Variants in CNTNAP5 observed in about 807,000 individuals in gnomAD.
CNTNAP5 encodes the protein contactin-associated protein-like 5.
Under a neutral mutation model 150.2 loss-of-function variants are expected in CNTNAP5, and 72 were observed. The observed-to-expected ratio is 0.48, with a 90% CI of 0.40 to 0.58. CNTNAP5 has a LOEUF of 0.58. Ranked by LOEUF, CNTNAP5 falls within the 20% of genes least tolerant of loss-of-function variation. CNTNAP5 has a pLI of 0.00. For synonymous variants in CNTNAP5, 672 were observed against 619.8 expected (o/e 1.08, Z -1.25); for missense variants, 1,636 against 1,626.2 (o/e 1.01, Z -0.10).
At chr2:124,275,676 T>G (rs1316921760) in intron 3 of CNTNAP5, among the ~76,000 whole-genome samples, 1 of 152,156 alleles carries the variant, frequency 6.6e-6, no homozygotes, top group Non-Finnish European at 1.5e-5. Context: ...ATGGTTTTTC[T>G]TACATTCTGC....
At chr2:124,769,284 T>C (rs1681137650) in intron 16 of CNTNAP5, among the ~76,000 whole-genome samples, 1 of 152,146 alleles carries the variant, frequency 6.6e-6, no homozygotes, top group Non-Finnish European at 1.5e-5. Flanking sequence ...GCCCTAAACA[T>C]GCCCTTTCTT....
intron 13 of CNTNAP5, among the ~76,000 whole-genome samples, chr2:124,662,439 A>G (rs1372017664): frequency 6.6e-6 from 1 of 152,154 alleles, no homozygotes; most frequent in East Asian, 1.9e-4. Context: ...TGTACATGAG[A>G]TCTGTTGTTG....
Position 124,524,305 on chromosome 2 carries a change from A to G in CNTNAP5, c.1330A>G (p.Ser444Gly). Residue 444 changes from serine (S) to glycine (G), a missense_variant and splice_region_variant, in exon 9 of 24, where the codon AGC (serine) becomes GGC (glycine). Physicochemically the swap from Ser to Gly is moderately conservative, Grantham distance 56. Transcript: ENST00000682447. ...TERVAEILTG[S>G]NLNDGLWHSV... ...TTACTCTCTTGTTTCTCTTGCAGGC[A>G]GCAACTTGAATGATGGCCTGTGGCA... 1.2e-6 allele frequency: 2 copies of G among 1,613,728 alleles called. No individual in the cohort carries two copies. Among genetic ancestry groups the G allele is most frequent in the Non-Finnish European group, 1.7e-6 (2 of 1,179,774 alleles).
chr2:124,271,760 G>A (rs1376186371), intron 3 of CNTNAP5, among the ~76,000 whole-genome samples: 1 of 150,982 alleles, frequency 6.6e-6, no homozygotes, highest in African/African-American at 2.4e-5. Flanking sequence ...TGTTGCCCAG[G>A]CTGTAGTGCA....
chr2:124,446,223 A>G (rs866011142), intron 5 of CNTNAP5, among the ~76,000 whole-genome samples: 2 of 152,274 alleles, frequency 1.3e-5, no homozygotes, highest in Middle Eastern at 3.4e-3. Context: ...CCCTTAGAGG[A>G]TTAAAGATGA....
chr2:124,572,861 C>T (rs542847627), intron 11 of CNTNAP5, among the ~76,000 whole-genome samples: 5 of 152,288 alleles, frequency 3.3e-5, no homozygotes, highest in South Asian at 2.1e-4. Context: ...GAAATCTGAG[C>T]GGACCTTTTG....
chr2:124,155,009 T>C (rs898016783), intron 1 of CNTNAP5, among the ~76,000 whole-genome samples: 2 of 151,654 alleles, frequency 1.3e-5, no homozygotes, highest in Non-Finnish European at 1.5e-5. Context: ...CAGATGGCCA[T>C]GCAAGCCTCT....
chr2:124,671,716 T>C (rs1291309380), intron 13 of CNTNAP5, among the ~76,000 whole-genome samples: 2 of 152,196 alleles, frequency 1.3e-5, no homozygotes, highest in Non-Finnish European at 2.9e-5. Context: ...CTTGGCTCAC[T>C]GCAACTTCTG....
At chr2:124,469,294 T>G (rs1693449578) in intron 6 of CNTNAP5, among the ~76,000 whole-genome samples, 2 of 152,208 alleles carry the variant, frequency 1.3e-5, no homozygotes, top group Admixed American at 6.6e-5. Flanking sequence ...CACTGTGTTT[T>G]GCTATTTAAA....
chr2:124,136,636 T>C (rs940298527), intron 1 of CNTNAP5, among the ~76,000 whole-genome samples: 1 of 152,208 alleles, frequency 6.6e-6, no homozygotes, highest in Non-Finnish European at 1.5e-5. Context: ...CAGTTTCTAC[T>C]GAATGTGTTT....
At chr2:124,354,975 G>A (rs1295061971) in intron 3 of CNTNAP5, among the ~76,000 whole-genome samples, 1 of 151,878 alleles carries the variant, frequency 6.6e-6, no homozygotes, top group South Asian at 2.1e-4. Flanking sequence ...CATGAGCTTG[G>A]TCTTCTGTAG....
At chr2:124,126,604 A>C (rs997146665) in intron 1 of CNTNAP5, among the ~76,000 whole-genome samples, 8 of 149,842 alleles carry the variant, frequency 5.3e-5, no homozygotes, top group African/African-American at 1.7e-4. Flanking sequence ...GAGACACAAC[A>C]AAAAAAGAGA....
At position 124,558,426 on chromosome 2, in the gene CNTNAP5, G is replaced by A. The variant is rs914627159; in HGVS notation, c.1650-4791G>A. On this transcript the variant is annotated intron_variant, in intron 10 of 23. Transcript: ENST00000682447. Reference sequence around the variant, plus strand: ...TGGGGGCAGGGTGAAGGAGGAGATTGGAAAGTAATATCTATTAGACACCCA... The same window carrying A: ...TGGGGGCAGGGTGAAGGAGGAGATTAGAAAGTAATATCTATTAGACACCCA... Among the ~76,000 whole-genome samples, 7 of 1,884 alleles carry A rather than the reference G, an allele frequency of 3.7e-3. No individual in the cohort carries two copies. In the Non-Finnish European group the frequency reaches 0.056, roughly 15 times the overall value. 1.2% of individuals were successfully genotyped at this position (1,884 alleles called of 152,430 possible). A position where few individuals can be genotyped will look rare whatever the true frequency, so the allele number is the denominator to read the frequency against.
rs141395119 is a variant in CNTNAP5 at position 124,592,911 on chromosome 2, G to A, written c.1757-16890G>A. Among the ~76,000 whole-genome samples the A allele has an allele frequency of 2.2e-3, 337 of 150,888 alleles. 3 individuals are homozygous for A. Among genetic ancestry groups the A allele is most frequent in the African/African-American group, 8.0e-3 (330 of 41,210 alleles). On this transcript the variant is annotated intron_variant, in intron 11 of 23. Coordinates refer to ENST00000682447, the MANE Select transcript of CNTNAP5 (RefSeq NM_001367498.1). ...CAGTTTGTCCATTTGCCCTTTTTTT[G>A]TTTATTGTATCTTTTGCCATTCAAA...
At chr2:124,674,496 C>CCTTTCTTTCTTTCTCTTT (rs1553430155) in intron 13 of CNTNAP5, among the ~76,000 whole-genome samples, 174 of 113,836 alleles carry the variant, frequency 1.5e-3, no homozygotes, top group Middle Eastern at 8.8e-3. Flanking sequence ...CTCTCTACTT[C>CCTTTCTTTCTTTCTCTTT]CTTTCTTTCT....
chr2:124,578,890 C>G (rs1696352167), intron 11 of CNTNAP5, among the ~76,000 whole-genome samples: 1 of 152,158 alleles, frequency 6.6e-6, no homozygotes, highest in African/African-American at 2.4e-5. Context: ...TCATGACACT[C>G]TTTGTTTTTC....
At chr2:124,315,428 G>T (rs1228627653) in intron 3 of CNTNAP5, among the ~76,000 whole-genome samples, 1 of 152,150 alleles carries the variant, frequency 6.6e-6, no homozygotes, top group African/African-American at 2.4e-5. Context: ...AGGGTTCCAA[G>T]GAGGTGCCTC....
At chr2:124,782,488 A>G (rs1681473808) in intron 17 of CNTNAP5, among the ~76,000 whole-genome samples, 1 of 152,224 alleles carries the variant, frequency 6.6e-6, no homozygotes, top group African/African-American at 2.4e-5. Flanking sequence ...TGAACCCAGT[A>G]TAGGGGAGGC....
chr2:124,509,273 G>A (rs899582339), intron 8 of CNTNAP5, among the ~76,000 whole-genome samples: 1 of 152,212 alleles, frequency 6.6e-6, no homozygotes, highest in Non-Finnish European at 1.5e-5. Context: ...AAAATAGAAG[G>A]CATCTGAATT....
Sources: gnomAD v4.1 joint callset for allele counts (sites outside exome capture counted in the v4.1 genomes callset) on GRCh38, gnomAD v4.1.1 for gene constraint, MANE v1.5 for transcripts, NCBI Gene and HGNC (gene_info 2026-07-23, HGNC 2026-07-21) for gene names.